Variants in GABRB1 observed in about 807,000 individuals in gnomAD.
GABRB1 encodes gamma-aminobutyric acid receptor subunit beta-1.
Under a neutral mutation model 51.6 loss-of-function variants are expected in GABRB1, and 17 were observed. That is an observed-to-expected ratio of 0.33 (90% confidence interval 0.23 to 0.49). GABRB1 has a LOEUF of 0.49. Among genes scored for constraint, GABRB1 ranks in the 20% least tolerant of loss-of-function variants. The probability of loss-of-function intolerance (pLI) is 0.99; values close to 1 mark genes in which losing one functional copy is unlikely to be tolerated. For missense variants in GABRB1, 410 were observed against 600.6 expected (o/e 0.68, Z 3.32); for synonymous variants, 247 against 218.9 (o/e 1.13, Z -1.14).
At chr4:47,130,329 G>C (rs1342705318) in intron 3 of GABRB1, among the ~76,000 whole-genome samples, 6 of 484 alleles carry the variant, frequency 0.012, no homozygotes, top group East Asian at 0.023. Context: ...CAGATACTGT[G>C]TGTGTGTGTG....
At chr4:47,269,075 A>C (rs1378029506) in intron 4 of GABRB1, among the ~76,000 whole-genome samples, 1 of 152,138 alleles carries the variant, frequency 6.6e-6, no homozygotes, top group Non-Finnish European at 1.5e-5. Flanking sequence ...AAAATCATTT[A>C]TTTTGGTCTG....
intron 3 of GABRB1, among the ~76,000 whole-genome samples, chr4:47,082,012 A>G (rs1383071231): frequency 6.6e-6 from 1 of 152,080 alleles, no homozygotes; most frequent in Non-Finnish European, 1.5e-5. Context: ...ATTATTAAGT[A>G]GCTGTAAATA....
chr4:47,055,151 G>C (rs182017059), intron 3 of GABRB1, among the ~76,000 whole-genome samples: 5 of 152,112 alleles, frequency 3.3e-5, no homozygotes, highest in Admixed American at 3.3e-4. Context: ...TATCAACCAG[G>C]GAAAATAAGA....
In GABRB1 at chr4:47,165,465, A is replaced by G. The variant is rs137951464; in HGVS notation, c.461+3996A>G. Among the ~76,000 whole-genome samples the G allele has an allele frequency of 4.6e-4, 70 of 152,080 alleles. 1 individual carries two copies. The highest frequency in any genetic ancestry group is 1.7e-3 in the African/African-American group (69 of 41,524). On this transcript the variant is annotated intron_variant, in intron 4 of 8. Coordinates refer to ENST00000295454, the MANE Select transcript of GABRB1 (RefSeq NM_000812.4). The stretch of plus-strand genomic sequence containing the variant: ...CCCATCCATGCTACTTTCCTATAAC[A>G]ACTCTGCCAAAAATTACCAAAACAA...
At chr4:47,057,124 A>C (rs1726646783) in intron 3 of GABRB1, among the ~76,000 whole-genome samples, 1 of 152,032 alleles carries the variant, frequency 6.6e-6, no homozygotes, top group African/African-American at 2.4e-5. Context: ...ACAAACAAAC[A>C]AACAAACCAT....
chr4:47,091,523 G>T (rs1206174381), intron 3 of GABRB1, among the ~76,000 whole-genome samples: 1 of 152,102 alleles, frequency 6.6e-6, no homozygotes. Context: ...ACTCTTCCCT[G>T]CAAGCAACCC....
chr4:47,042,441 A>ATAT (rs369535271), intron 3 of GABRB1, among the ~76,000 whole-genome samples: 2,719 of 116,760 alleles, frequency 0.023, 61 homozygotes, highest in Middle Eastern at 0.036. Context: ...TATATATATA[A>ATAT]AATACGTGTG....
At chr4:47,356,513 T>C (rs1726584456) in intron 5 of GABRB1, among the ~76,000 whole-genome samples, 1 of 152,198 alleles carries the variant, frequency 6.6e-6, no homozygotes, top group African/African-American at 2.4e-5. Context: ...GTGCCATCTC[T>C]AGCTACATTT....
At chr4:47,405,436 C>G (rs1193138528) in intron 7 of GABRB1, among the ~76,000 whole-genome samples, 1 of 152,114 alleles carries the variant, frequency 6.6e-6, no homozygotes, top group East Asian at 1.9e-4. Flanking sequence ...TTTATACTTT[C>G]TGACTTTATT....
intron 1 of GABRB1, among the ~76,000 whole-genome samples, chr4:46,999,858 A>C (rs557549845): frequency 3.3e-5 from 5 of 152,262 alleles, no homozygotes; most frequent in Admixed American, 2.0e-4. Context: ...ACTCCTCCCA[A>C]ATTTGCACAT....
chr4:47,318,199 T>A (rs2109960653), intron 4 of GABRB1, among the ~76,000 whole-genome samples: 1 of 152,132 alleles, frequency 6.6e-6, no homozygotes, highest in East Asian at 1.9e-4. Flanking sequence ...ACAGCATTGC[T>A]GTGAGAATTA....
chr4:47,169,313 C>G (rs978962393), intron 4 of GABRB1, among the ~76,000 whole-genome samples: 12 of 152,248 alleles, frequency 7.9e-5, no homozygotes, highest in African/African-American at 2.6e-4. Context: ...AAATGCTTGA[C>G]TGCTTCCTCT....
chr4:47,178,088 A>T (rs1225444090), intron 4 of GABRB1, among the ~76,000 whole-genome samples: 1 of 152,096 alleles, frequency 6.6e-6, no homozygotes, highest in Non-Finnish European at 1.5e-5. Flanking sequence ...TATGTCAGTT[A>T]TATGACCTTG....
intron 4 of GABRB1, among the ~76,000 whole-genome samples, chr4:47,266,817 T>C (rs1722658781): frequency 6.6e-6 from 1 of 152,108 alleles, no homozygotes; most frequent in Non-Finnish European, 1.5e-5. Context: ...GTCCAGTTTA[T>C]GTTCAGTGTT....
Position 47,166,211 on chromosome 4 carries a change from G to C in GABRB1, c.461+4742G>C, listed in dbSNP as rs186914705. On this transcript the variant is annotated intron_variant, in intron 4 of 8. Coordinates refer to ENST00000295454, the MANE Select transcript of GABRB1 (RefSeq NM_000812.4). ...CCATAAACATTTCATGGAATATACA[G>C]TTGACTCAGGAATAACATGGGATGA... is the stretch of plus-strand genomic sequence containing the variant. Among the ~76,000 whole-genome samples the C allele has an allele frequency of 2.0e-5, 3 of 152,148 alleles. No homozygotes were observed. The East Asian group carries it at 5.8e-4, about 29-fold the overall frequency.
intron 4 of GABRB1, among the ~76,000 whole-genome samples, chr4:47,263,935 C>T (rs1722548915): frequency 6.6e-6 from 1 of 151,362 alleles, no homozygotes; most frequent in African/African-American, 2.4e-5. Context: ...TTATTTGAGC[C>T]CAGGAATTCA....
intron 1 of GABRB1, among the ~76,000 whole-genome samples, chr4:47,003,994 G>T (rs1347145006): frequency 1.3e-5 from 2 of 151,926 alleles, no homozygotes; most frequent in African/African-American, 4.8e-5. Context: ...TTTTTTGTTT[G>T]TTTTGTTTTT....
intron 4 of GABRB1, among the ~76,000 whole-genome samples, chr4:47,291,799 G>A (rs1339572583): frequency 1.3e-5 from 2 of 152,120 alleles, no homozygotes; most frequent in Non-Finnish European, 2.9e-5. Context: ...CATTTGGAAT[G>A]GGTGTATTTA....
At chr4:46,996,858 C>T (rs1379473434) in intron 1 of GABRB1, among the ~76,000 whole-genome samples, 4 of 151,976 alleles carry the variant, frequency 2.6e-5, no homozygotes, top group East Asian at 1.9e-4. Flanking sequence ...ACCTGTTCCT[C>T]TTTTCTTTCA....
Sources: allele counts gnomAD v4.1 joint callset (sites outside exome capture counted in the v4.1 genomes callset), GRCh38; gene constraint gnomAD v4.1.1; transcripts MANE v1.5; gene names NCBI Gene and HGNC (gene_info 2026-07-23, HGNC 2026-07-21).